The following ADK variants were observed in gnomAD, a reference collection of about 807,000 sequenced individuals.
ADK encodes N6,N6-dimethyladenosine kinase.
Under a neutral mutation model 44.7 loss-of-function variants are expected in ADK, and 24 were observed. That is an observed-to-expected ratio of 0.54 (90% CI 0.39 to 0.76). The LOEUF is 0.76. ADK is among the 30% of genes least tolerant of loss of function. The probability of loss-of-function intolerance (pLI) is 0.00; values close to 1 mark genes in which losing one functional copy is unlikely to be tolerated. For missense variants in ADK, 321 were observed against 425.1 expected, an observed-to-expected ratio of 0.76 and a Z score of 2.15; for synonymous variants, 128 against 142.6, an observed-to-expected ratio of 0.90 and a Z score of 0.73.
intron 6 of ADK, among the ~76,000 whole-genome samples, chr10:74,462,677 C>T (rs1846213419): frequency 6.6e-6 from 1 of 152,272 alleles, no homozygotes; most frequent in Admixed American, 6.5e-5. Flanking sequence ...TACTTTAACT[C>T]ATATTTGCTG....
intron 9 of ADK, among the ~76,000 whole-genome samples, chr10:74,650,805 G>C (rs1001553007): frequency 6.6e-6 from 1 of 152,192 alleles, no homozygotes; most frequent in Admixed American, 6.6e-5. Flanking sequence ...ATTGTGATCT[G>C]TGAACAGGCC....
chr10:74,594,822 A>G (rs1049886822), intron 8 of ADK, among the ~76,000 whole-genome samples: 2 of 152,210 alleles, frequency 1.3e-5, no homozygotes, highest in African/African-American at 4.8e-5. Flanking sequence ...TCATACTTGC[A>G]CAAACCTTGA....
intron 6 of ADK, among the ~76,000 whole-genome samples, chr10:74,491,823 C>A (rs1204848140): frequency 1.3e-5 from 2 of 152,046 alleles, no homozygotes; most frequent in African/African-American, 2.4e-5. Context: ...CCGATAGAAA[C>A]TATAAATGGT....
intron 4 of ADK, among the ~76,000 whole-genome samples, chr10:74,339,215 C>T (rs1044184011): frequency 6.6e-6 from 1 of 152,148 alleles, no homozygotes; most frequent in Non-Finnish European, 1.5e-5. Flanking sequence ...TCTGCCTTGG[C>T]CTTCTAAAGT....
At chr10:74,311,161 A>G (rs1488128880) in intron 3 of ADK, among the ~76,000 whole-genome samples, 1 of 152,186 alleles carries the variant, frequency 6.6e-6, no homozygotes, top group African/African-American at 2.4e-5. Flanking sequence ...GTAGACATGT[A>G]TATTGGGTAA....
At chr10:74,218,247 T>C (rs1844143439) in intron 2 of ADK, among the ~76,000 whole-genome samples, 1 of 151,936 alleles carries the variant, frequency 6.6e-6, no homozygotes, top group Non-Finnish European at 1.5e-5. Flanking sequence ...GCCGATGTGA[T>C]CAACTGGAAG....
At chr10:74,253,356 T>C (rs1845717665) in intron 3 of ADK, among the ~76,000 whole-genome samples, 1 of 152,186 alleles carries the variant, frequency 6.6e-6, no homozygotes, top group Admixed American at 6.5e-5. Flanking sequence ...TTTTGGGTCA[T>C]TGGGTCATTG....
chr10:74,179,648 T>C (rs577962084), intron 1 of ADK, among the ~76,000 whole-genome samples: 19 of 152,298 alleles, frequency 1.2e-4, no homozygotes, highest in African/African-American at 4.1e-4. Context: ...TCTAAAAAGG[T>C]GAGAGACCTT....
chr10:74,242,677 G>GTCCTGATT (rs1845262465), intron 3 of ADK, among the ~76,000 whole-genome samples: 1 of 152,168 alleles, frequency 6.6e-6, no homozygotes, highest in Non-Finnish European at 1.5e-5. Context: ...TGCCTGCACT[G>GTCCTGATT]TCCTGATTGG....
At chr10:74,645,457 A>G (rs932186086) in intron 9 of ADK, among the ~76,000 whole-genome samples, 37 of 152,188 alleles carry the variant, frequency 2.4e-4, no homozygotes, top group Admixed American at 5.2e-4. Context: ...AAAACATAAT[A>G]TTTATTTAAT....
chr10:74,274,806 C>T (rs1846607939), intron 3 of ADK, among the ~76,000 whole-genome samples: 1 of 141,474 alleles, frequency 7.1e-6, no homozygotes, highest in Non-Finnish European at 1.5e-5. Flanking sequence ...CTTTGTTGCC[C>T]AGGCTGGTCT....
chr10:74,457,886 A>G (rs1381069392), intron 6 of ADK, among the ~76,000 whole-genome samples: 2 of 152,110 alleles, frequency 1.3e-5, no homozygotes, highest in Non-Finnish European at 2.9e-5. Flanking sequence ...GGACTAGGTG[A>G]GAGATAGCAT....
intron 9 of ADK, among the ~76,000 whole-genome samples, chr10:74,601,480 G>A (rs1377555342): frequency 6.6e-6 from 1 of 151,934 alleles, no homozygotes; most frequent in Non-Finnish European, 1.5e-5. Flanking sequence ...TTTCAGAATG[G>A]TCAAAAGCAA....
intron 3 of ADK, among the ~76,000 whole-genome samples, chr10:74,305,124 C>G (rs1592019240): frequency 6.6e-6 from 1 of 152,100 alleles, no homozygotes; most frequent in South Asian, 2.1e-4. Context: ...AGTTGTTATA[C>G]TCTCTTGTTT....
At chr10:74,636,750 T>C (rs1242810969) in intron 9 of ADK, among the ~76,000 whole-genome samples, 1 of 152,176 alleles carries the variant, frequency 6.6e-6, no homozygotes, top group Admixed American at 6.5e-5. Flanking sequence ...CAGCCAATAA[T>C]ACAGAGGAGT....
At chr10:74,236,813 A>T (rs1844978470) in intron 3 of ADK, among the ~76,000 whole-genome samples, 1 of 152,260 alleles carries the variant, frequency 6.6e-6, no homozygotes, top group African/African-American at 2.4e-5. Flanking sequence ...AACATTGTGT[A>T]TAAAAAATGT....
At chr10:74,604,194 G>A (rs972044426) in intron 9 of ADK, among the ~76,000 whole-genome samples, 1 of 152,162 alleles carries the variant, frequency 6.6e-6, no homozygotes, top group African/African-American at 2.4e-5. Context: ...CTCCCATTCT[G>A]TAGGTTGCCC....
At chr10:74,661,303 A>G (rs1854716755) in intron 9 of ADK, 2 of 968,862 alleles carry the variant, frequency 2.1e-6, no homozygotes, top group Non-Finnish European at 1.2e-6. Flanking sequence ...TAGTAGCAAC[A>G]TTACTTGAAT....
At chr10:74,186,807 C>T (rs1316647184) in intron 1 of ADK, among the ~76,000 whole-genome samples, 2 of 151,976 alleles carry the variant, frequency 1.3e-5, no homozygotes, top group Non-Finnish European at 2.9e-5. Flanking sequence ...AGTAGTTTTT[C>T]CCTTTTATTG....
Sources: allele counts gnomAD v4.1 joint callset (sites outside exome capture counted in the v4.1 genomes callset), GRCh38; gene constraint gnomAD v4.1.1; transcripts MANE v1.5; gene names NCBI Gene and HGNC (gene_info 2026-07-23, HGNC 2026-07-21).